Variants in OAS2 observed in about 807,000 individuals in gnomAD.
OAS2 encodes the protein 2'-5'-oligoadenylate synthetase 2.
Under a neutral mutation model 71.3 loss-of-function variants are expected in OAS2, and 67 were observed. That is an observed-to-expected ratio of 0.94 (90% CI 0.77 to 1.15). OAS2 has a LOEUF of 1.15. Ranked by LOEUF, OAS2 falls within the 50% of genes most tolerant of loss-of-function variation. The pLI is 0.00. For missense variants in OAS2, 789 were observed against 822.5 expected (o/e 0.96, Z 0.50); for synonymous variants, 327 against 321.8 (o/e 1.02, Z -0.17).
At chr12:112,994,482 T>G (rs1167856688) in intron 2 of OAS2, among the ~76,000 whole-genome samples, 1 of 152,144 alleles carries the variant, frequency 6.6e-6, no homozygotes, top group Non-Finnish European at 1.5e-5. Context: ...AGTGCAGTGG[T>G]GCAATTATGG....
intron 5 of OAS2, 129 bp downstream of exon 5, chr12:112,998,539 G>C: frequency 9.4e-7 from 1 of 1,060,588 alleles, no homozygotes; most frequent in Non-Finnish European, 1.3e-6. Flanking sequence ...CCACAACACA[G>C]ATGGCTTAAA....
intron 2 of OAS2, chr12:112,987,891 T>C (rs2044155009): frequency 3.0e-6 from 3 of 985,758 alleles, no homozygotes; most frequent in South Asian, 4.7e-5. Context: ...TGCCCACCTC[T>C]TGTGTCTCCT....
chr12:112,998,549 A>G, intron 5 of OAS2, 139 bp downstream of exon 5: 1 of 952,976 alleles, frequency 1.0e-6, no homozygotes, highest in Non-Finnish European at 1.5e-6. Flanking sequence ...GATGGCTTAA[A>G]GCCACAGAAA....
At chr12:112,997,830 C>T in intron 4 of OAS2, 75 bp downstream of exon 4, 1 of 1,210,408 alleles carries the variant, frequency 8.3e-7, no homozygotes, top group Non-Finnish European at 1.1e-6. Context: ...AATGAGATCT[C>T]AGCCTTGCCC....
intron 1 of OAS2, among the ~76,000 whole-genome samples, chr12:112,979,156 G>A (rs145683829): frequency 6.6e-6 from 1 of 152,176 alleles, no homozygotes; most frequent in Admixed American, 6.5e-5. Context: ...AGTAAACTTA[G>A]GGAGGCTAGA....
At chr12:112,990,424 T>C (rs1262441494) in intron 2 of OAS2, among the ~76,000 whole-genome samples, 1 of 152,046 alleles carries the variant, frequency 6.6e-6, no homozygotes, top group Admixed American at 6.6e-5. Context: ...GTTGAAGGAG[T>C]TCAGCTTAAG....
intron 1 of OAS2, among the ~76,000 whole-genome samples, chr12:112,981,743 G>A (rs2044085072): frequency 6.6e-6 from 1 of 151,602 alleles, no homozygotes; most frequent in African/African-American, 2.4e-5. Context: ...TTCTATTTCT[G>A]TGAAAAAAAA....
chr12:113,003,036 C>T lies in OAS2; in HGVS notation c.1113C>T (p.Asn371=), dbSNP rs2136392202. ...CFLEQIDSAV[N]IIRTFLKENC... ...TAGAGCAGATTGACAGTGCTGTTAACATCATCCGTACATTCCTTAAAGAAA... is the reference window on the plus strand; with the variant it reads ...TAGAGCAGATTGACAGTGCTGTTAATATCATCCGTACATTCCTTAAAGAAA... The change falls in exon 6 of 10, where the codon AAC becomes AAT. Residue 371 remains asparagine (N), a synonymous_variant. Transcript: ENST00000392583. 4 of 1,614,192 alleles carry T rather than the reference C, an allele frequency of 2.5e-6. No individual in the cohort carries two copies. Among genetic ancestry groups the T allele is most frequent in the Non-Finnish European group, 3.4e-6 (4 of 1,180,012 alleles).
chr12:113,010,431 T>G lies in OAS2; in HGVS notation c.*1176T>G, dbSNP rs1366132684. On this transcript the variant is annotated 3_prime_UTR_variant, in exon 10 of 10. Transcript: ENST00000392583. ...GATCCATCCTATTGTCAATGAGATG[T>G]TCTCATCCAGAAGCCATAGAATCCT... 9 of 1,614,008 alleles carry G rather than the reference T, an allele frequency of 5.6e-6. No homozygotes were observed. The highest frequency in any genetic ancestry group is 7.6e-6 in the Non-Finnish European group (9 of 1,179,940).
intron 5 of OAS2, 69 bp downstream of exon 5, chr12:112,998,479 C>A (rs2044255847): frequency 2.0e-6 from 3 of 1,535,674 alleles, no homozygotes; most frequent in Admixed American, 2.1e-5. Flanking sequence ...CAGGCTAGGT[C>A]TTATCTGAGA....
In OAS2 at chr12:113,010,116, T is replaced by A. The variant is rs1446548590; in HGVS notation, c.*861T>A. 8.6e-7 allele frequency: 1 copy of A among 1,162,498 alleles called. No homozygotes were observed. The highest frequency in any genetic ancestry group is 1.1e-6 in the Non-Finnish European group (1 of 942,082). 72.0% of individuals were successfully genotyped at this position (1,162,498 alleles called of 1,614,324 possible). A position where few individuals can be genotyped will look rare whatever the true frequency, so the allele number is the denominator to read the frequency against. On this transcript the variant is annotated 3_prime_UTR_variant, in exon 10 of 10. Coordinates refer to ENST00000392583, the MANE Select transcript of OAS2 (RefSeq NM_002535.3). ...TGTCTTGAGACTTTATCATGTGTCT[T>A]CTGCCCTAGGTGAGAACCCTTGCAC...
chr12:112,994,416 T>C (rs2044218198), intron 2 of OAS2, among the ~76,000 whole-genome samples: 1 of 152,118 alleles, frequency 6.6e-6, no homozygotes. Context: ...ATAAATGTGT[T>C]TATTTTATTT....
intron 2 of OAS2, among the ~76,000 whole-genome samples, chr12:112,994,523 G>A (rs1680447180): frequency 6.6e-6 from 1 of 152,170 alleles, no homozygotes; most frequent in Admixed American, 6.5e-5. Context: ...TCGGGGTCAA[G>A]GAGTTCGCAT....
At chr12:112,999,747 G>A (rs966342663) in intron 5 of OAS2, among the ~76,000 whole-genome samples, 1 of 151,920 alleles carries the variant, frequency 6.6e-6, no homozygotes, top group Non-Finnish European at 1.5e-5. Flanking sequence ...TTATCCCCCC[G>A]ACCTGACATC....
chr12:113,009,333 C>T lies in OAS2; in HGVS notation c.*78C>T. 6.4e-7 allele frequency: 1 copy of T among 1,557,904 alleles called. No individual in the cohort carries two copies. The highest frequency in any genetic ancestry group is 8.7e-7 in the Non-Finnish European group (1 of 1,155,352). On this transcript the variant is annotated 3_prime_UTR_variant, in exon 10 of 10. Transcript: ENST00000392583. The stretch of plus-strand genomic sequence containing the variant: ...TCCTACTGTAGCAACCTGAAATTAA[C>T]TCAGACACAAATAAAGGAAACCCAG...
intron 2 of OAS2, among the ~76,000 whole-genome samples, chr12:112,991,791 C>T (rs1252510571): frequency 6.6e-6 from 1 of 152,186 alleles, no homozygotes; most frequent in African/African-American, 2.4e-5. Context: ...CCTTTCACAA[C>T]TTATATGGAA....
intron 3 of OAS2, among the ~76,000 whole-genome samples, chr12:112,995,955 C>T (rs1460717974): frequency 6.6e-6 from 1 of 151,926 alleles, no homozygotes; most frequent in Non-Finnish European, 1.5e-5. Flanking sequence ...GAGTGTGCCA[C>T]CATACCTGGC....
Position 113,010,158 on chromosome 12 carries a change from C to A in OAS2, c.*903C>A. On this transcript the variant is annotated 3_prime_UTR_variant, in exon 10 of 10. Transcript: ENST00000392583. ...CCCTTGCACTAGAGGAACCCTACAC[C>A]CCAACCCTGGGGGGAATGTAGGGAA... 7.7e-7 allele frequency: 1 copy of A among 1,296,420 alleles called. No homozygotes were observed. Among genetic ancestry groups the A allele is most frequent in the Non-Finnish European group, 9.8e-7 (1 of 1,021,002 alleles). 80.3% of individuals were successfully genotyped at this position (1,296,420 alleles called of 1,614,324 possible).
In OAS2 at chr12:113,009,808, G is replaced by C. The variant is rs1188054780; in HGVS notation, c.*553G>C. On this transcript the variant is annotated 3_prime_UTR_variant, in exon 10 of 10. Transcript: ENST00000392583. Reference sequence around the variant, plus strand: ...GGTGGCTACAAAGATGACTGTGGACGTGGGTTGCACTGGCCACCCAAGGAT... The same window carrying C: ...GGTGGCTACAAAGATGACTGTGGACCTGGGTTGCACTGGCCACCCAAGGAT... 2.0e-6 allele frequency: 2 copies of C among 986,754 alleles called. No individual in the cohort carries two copies. The highest frequency in any genetic ancestry group is 2.4e-6 in the Non-Finnish European group (2 of 831,114). 61.1% of individuals were successfully genotyped at this position (986,754 alleles called of 1,614,324 possible).
Sources: gnomAD v4.1 joint callset for allele counts (sites outside exome capture counted in the v4.1 genomes callset) on GRCh38, gnomAD v4.1.1 for gene constraint, MANE v1.5 for transcripts, NCBI Gene and HGNC (gene_info 2026-07-23, HGNC 2026-07-21) for gene names.